Variants in KAT6B observed in about 807,000 individuals in gnomAD.
KAT6B encodes the protein lysine acetyltransferase 6B.
In KAT6B, 10 loss-of-function variants were observed where a neutral mutation model predicts 187.5. That is an observed-to-expected ratio of 0.05 (90% CI 0.03 to 0.09). The LOEUF (loss-of-function observed/expected upper bound fraction) is 0.09, where lower values mean the gene tolerates loss of function less well. Among genes scored for constraint, KAT6B ranks in the 10% least tolerant of loss-of-function variants. The probability of loss-of-function intolerance (pLI) is 1.00; values close to 1 mark genes in which losing one functional copy is unlikely to be tolerated. For missense variants in KAT6B, 1,952 were observed against 2,558.9 expected, an observed-to-expected ratio of 0.76 and a Z score of 5.12; for synonymous variants, 861 against 926.8, an observed-to-expected ratio of 0.93 and a Z score of 1.29.
At chr10:75,014,041 C>T (rs72803449) in intron 13 of KAT6B, among the ~76,000 whole-genome samples, 18,640 of 152,236 alleles carry the variant, frequency 0.12, 2,232 homozygotes, top group African/African-American at 0.31. Context: ...AGGGAGTCTA[C>T]AAGGTCATAA....
At chr10:74,969,624 C>T in intron 4 of KAT6B, 36 bp from the exon 5 acceptor site, 1 of 1,247,880 alleles carries the variant, frequency 8.0e-7, no homozygotes, top group Non-Finnish European at 1.2e-6. Flanking sequence ...TCAAAGGCAC[C>T]ATTCCCATCA....
At chr10:74,899,354 A>G (rs1311474832) in intron 3 of KAT6B, among the ~76,000 whole-genome samples, 1 of 150,618 alleles carries the variant, frequency 6.6e-6, no homozygotes, top group Non-Finnish European at 1.5e-5. Flanking sequence ...GGCTCATGCA[A>G]CTTCTGCCTC....
chr10:74,944,012 A>C (rs148270719), intron 3 of KAT6B, among the ~76,000 whole-genome samples: 162 of 152,338 alleles, frequency 1.1e-3, no homozygotes, highest in African/African-American at 3.3e-3. Flanking sequence ...GGAAGCAGCT[A>C]CGGATAAAGC....
chr10:74,952,614 C>T (rs191717271), intron 3 of KAT6B, among the ~76,000 whole-genome samples: 1 of 152,048 alleles, frequency 6.6e-6, no homozygotes, highest in Non-Finnish European at 1.5e-5. Flanking sequence ...TTGTGGTAAA[C>T]AGCAAAGCAT....
At chr10:74,836,240 C>T (rs2132007343) in intron 1 of KAT6B, among the ~76,000 whole-genome samples, 1 of 152,310 alleles carries the variant, frequency 6.6e-6, no homozygotes, top group South Asian at 2.1e-4. Context: ...GGGCTGTTTA[C>T]ACCTTTTGGC....
intron 4 of KAT6B, 54 bp downstream of exon 4, chr10:74,960,132 CAT>C: frequency 1.9e-6 from 2 of 1,077,852 alleles, no homozygotes; most frequent in Non-Finnish European, 2.9e-6. Context: ...ATCATAGCTT[CAT>C]GCTATTTGTC....
chr10:74,985,388 T>A, intron 12 of KAT6B, 147 bp downstream of exon 12: 1 of 850,292 alleles, frequency 1.2e-6, no homozygotes, highest in Admixed American at 2.5e-5. Context: ...CAGAGCTCAT[T>A]TTAAAAGATG....
At chr10:74,877,382 G>A (rs1844499485) in intron 3 of KAT6B, among the ~76,000 whole-genome samples, 1 of 152,178 alleles carries the variant, frequency 6.6e-6, no homozygotes, top group Admixed American at 6.5e-5. Flanking sequence ...AAATTTGGGA[G>A]ATGCATACTT....
At chr10:74,930,578 T>C (rs1420422265) in intron 3 of KAT6B, among the ~76,000 whole-genome samples, 2 of 152,218 alleles carry the variant, frequency 1.3e-5, no homozygotes, top group East Asian at 3.8e-4. Context: ...TTTAGTTCTT[T>C]TATTTGATGT....
intron 3 of KAT6B, among the ~76,000 whole-genome samples, chr10:74,854,024 A>G (rs1239297748): frequency 6.6e-6 from 1 of 152,188 alleles, no homozygotes; most frequent in African/African-American, 2.4e-5. Context: ...CCTGTGCCTT[A>G]AACTACAGTA....
chr10:74,970,163 G>A lies in KAT6B; in HGVS notation c.928+62G>A, dbSNP rs1841752666. 8 of 1,248,468 alleles carry A rather than the reference G, an allele frequency of 6.4e-6. No homozygotes were observed. In the South Asian group the frequency reaches 8.5e-5, roughly 13 times the overall value. 77.3% of individuals were successfully genotyped at this position (1,248,468 alleles called of 1,614,324 possible). On this transcript the variant is annotated intron_variant, in intron 6 of 17. Coordinates refer to ENST00000287239, the MANE Select transcript of KAT6B (RefSeq NM_012330.4). ...ACATATTGGTTAGCTTTGTCCTGAG[G>A]TCTGACAGCTCAGAGGTATACAGGT...
intron 3 of KAT6B, among the ~76,000 whole-genome samples, chr10:74,913,666 T>G (rs1244031582): frequency 6.6e-6 from 1 of 152,222 alleles, no homozygotes; most frequent in Non-Finnish European, 1.5e-5. Flanking sequence ...CAACTTATAG[T>G]GTAGAAATTT....
chr10:74,842,447 A>T (rs1841813847), intron 2 of KAT6B, among the ~76,000 whole-genome samples, 153 bp from the exon 3 acceptor site: 1 of 152,202 alleles, frequency 6.6e-6, no homozygotes, highest in Non-Finnish European at 1.5e-5. Flanking sequence ...TTCTTGTTGA[A>T]AAATATAGTC....
chr10:74,935,426 A>G (rs1011157691), intron 3 of KAT6B, among the ~76,000 whole-genome samples: 2 of 151,550 alleles, frequency 1.3e-5, no homozygotes, highest in African/African-American at 4.9e-5. Flanking sequence ...TATGATGCCC[A>G]GACCAGAGTG....
rs1564630998 is a variant in KAT6B, at chr10:75,028,901, G to GAGGAA, written c.4077_4078insAGGAA (p.Glu1360ArgfsTer21). The GAGGAA allele has an allele frequency of 3.1e-6, 5 of 1,609,372 alleles. No homozygotes were observed. The African/African-American group carries it at 6.7e-5, about 22-fold the overall frequency. ...AGGAAGAGGAAGAGGAGGAGGAGGA[G>GAGGAA]GAAGAGGAAGAAGAGGAAGAAGAGG... On this transcript the variant is annotated frameshift_variant, in exon 18 of 18. Coordinates refer to ENST00000287239, the MANE Select transcript of KAT6B (RefSeq NM_012330.4). LOFTEE classifies it high-confidence loss of function.
chr10:74,916,173 AAAAT>A (rs1847666416), intron 3 of KAT6B, among the ~76,000 whole-genome samples: 1 of 152,184 alleles, frequency 6.6e-6, no homozygotes, highest in South Asian at 2.1e-4. Context: ...AAGAAAATAA[AAAAT>A]AAATAAATAA....
intron 3 of KAT6B, among the ~76,000 whole-genome samples, chr10:74,899,106 A>G (rs1231021791): frequency 6.6e-6 from 1 of 151,062 alleles, no homozygotes; most frequent in Admixed American, 6.6e-5. Flanking sequence ...GGTTGCAGTG[A>G]GCTGAGATTG....
In KAT6B at chr10:74,980,136, G is replaced by A. The variant is rs76197813; in HGVS notation, c.2231+797G>A. Among the ~76,000 whole-genome samples the A allele has an allele frequency of 1.6e-4, 24 of 152,286 alleles. No homozygotes were observed. In the East Asian group the frequency reaches 4.6e-3, roughly 29 times the overall value. ...ATTGCACTACTGCACTCCAGCTCAGGTGACAGACCAAGATCCCATCTCAAA... is the reference window on the plus strand; with the variant it reads ...ATTGCACTACTGCACTCCAGCTCAGATGACAGACCAAGATCCCATCTCAAA... On this transcript the variant is annotated intron_variant, in intron 10 of 17. Coordinates refer to ENST00000287239, the MANE Select transcript of KAT6B (RefSeq NM_012330.4).
chr10:74,965,115 T>A (rs1841370266), intron 4 of KAT6B, among the ~76,000 whole-genome samples: 1 of 152,214 alleles, frequency 6.6e-6, no homozygotes, highest in African/African-American at 2.4e-5. Flanking sequence ...CCCCAAAAAC[T>A]TCTGGATTGG....
Sources: gnomAD v4.1 joint callset for allele counts (sites outside exome capture counted in the v4.1 genomes callset) on GRCh38, gnomAD v4.1.1 for gene constraint, MANE v1.5 for transcripts, NCBI Gene and HGNC (gene_info 2026-07-23, HGNC 2026-07-21) for gene names.